Variants in HSPA12A observed in about 807,000 individuals in gnomAD.
The protein encoded by HSPA12A is heat shock protein family A (Hsp70) member 12A.
HSPA12A carries 28 observed loss-of-function variants against 69.2 expected under a neutral mutation model. The ratio of observed to expected loss-of-function variants is 0.40; its 90% CI spans 0.30 to 0.55. HSPA12A has a LOEUF of 0.55. Ranked by LOEUF, HSPA12A falls within the 20% of genes least tolerant of loss-of-function variation. HSPA12A has a pLI of 0.38. For synonymous variants in HSPA12A, 345 were observed against 370.5 expected, an observed-to-expected ratio of 0.93 and a Z score of 0.79; for missense variants, 686 against 900.7, an observed-to-expected ratio of 0.76 and a Z score of 3.05.
intron 2 of HSPA12A, among the ~76,000 whole-genome samples, chr10:116,792,512 C>T (rs1844720687): frequency 1.3e-5 from 2 of 151,258 alleles, no homozygotes; most frequent in Non-Finnish European, 2.9e-5. Flanking sequence ...CGCAGTAGCA[C>T]ATGCCCGTAA....
intron 1 of HSPA12A, among the ~76,000 whole-genome samples, chr10:116,733,097 G>A (rs782005115): frequency 1.3e-5 from 2 of 152,206 alleles, no homozygotes; most frequent in East Asian, 1.9e-4. Flanking sequence ...CCTTCAAATC[G>A]GTCCAGCAGC....
intron 1 of HSPA12A, among the ~76,000 whole-genome samples, chr10:116,846,053 T>C (rs1016896245): frequency 2.0e-5 from 3 of 152,164 alleles, no homozygotes; most frequent in African/African-American, 7.2e-5. Context: ...GAGAAGGAAT[T>C]TATTTTATTC....
At chr10:116,819,222 T>C (rs896622847) in intron 2 of HSPA12A, among the ~76,000 whole-genome samples, 2 of 152,164 alleles carry the variant, frequency 1.3e-5, no homozygotes, top group African/African-American at 4.8e-5. Context: ...ATGCCCATCA[T>C]CCAGTTGAGA....
chr10:116,699,875 C>A (rs148772148), intron 4 of HSPA12A, among the ~76,000 whole-genome samples: 1 of 152,252 alleles, frequency 6.6e-6, no homozygotes, highest in Non-Finnish European at 1.5e-5. Context: ...ACAACCACGC[C>A]GATGGGCACA....
chr10:116,781,176 T>C (rs954165555), intron 2 of HSPA12A, among the ~76,000 whole-genome samples: 12 of 152,152 alleles, frequency 7.9e-5, no homozygotes, highest in Non-Finnish European at 1.2e-4. Context: ...GGCACATGCC[T>C]GTAGTCCCAG....
At chr10:116,713,338 A>G (rs1449434481) in intron 1 of HSPA12A, among the ~76,000 whole-genome samples, 2 of 152,150 alleles carry the variant, frequency 1.3e-5, no homozygotes, top group African/African-American at 4.8e-5. Flanking sequence ...TCCAGAGTAA[A>G]TGGAAATTTT....
chr10:116,706,919 C>T (rs1201564648), intron 2 of HSPA12A, among the ~76,000 whole-genome samples: 1 of 152,180 alleles, frequency 6.6e-6, no homozygotes, highest in Admixed American at 6.5e-5. Flanking sequence ...TCCCATCTCA[C>T]CTTCTTCTGT....
At chr10:116,759,041 C>T (rs2133098494) in intron 2 of HSPA12A, among the ~76,000 whole-genome samples, 1 of 152,280 alleles carries the variant, frequency 6.6e-6, no homozygotes, top group East Asian at 1.9e-4. Flanking sequence ...GAACTCAGGA[C>T]CTGAAGAAAC....
At chr10:116,756,833 A>G (rs1843861407) in intron 2 of HSPA12A, among the ~76,000 whole-genome samples, 1 of 152,212 alleles carries the variant, frequency 6.6e-6, no homozygotes, top group Non-Finnish European at 1.5e-5. Context: ...GATGGAAAAC[A>G]AGAGAATACA....
In HSPA12A at chr10:116,742,564, T is replaced by C. The variant is rs1215754597; in HGVS notation, c.-95A>G. The C allele has an allele frequency of 3.5e-6, 4 of 1,156,234 alleles. No individual in the cohort carries two copies. In the Admixed American group the frequency reaches 1.9e-4, roughly 55 times the overall value. 71.6% of individuals were successfully genotyped at this position (1,156,234 alleles called of 1,614,324 possible). A position where few individuals can be genotyped will look rare whatever the true frequency, so the allele number is the denominator to read the frequency against. On this transcript the variant is annotated 5_prime_UTR_variant, in exon 1 of 12. Transcript: ENST00000369209. ...CGTCCGCGGCGGCGCTCGGGCCGTG[T>C]CTGAGCCGCCGGGCAGCGGGAGCGC...
chr10:116,783,701 G>A (rs1312590030), intron 2 of HSPA12A, among the ~76,000 whole-genome samples: 1 of 152,208 alleles, frequency 6.6e-6, no homozygotes, highest in Non-Finnish European at 1.5e-5. Context: ...AGAATGGTGT[G>A]TTAGTATACC....
At chr10:116,731,267 A>C (rs1554885720) in intron 1 of HSPA12A, among the ~76,000 whole-genome samples, 1 of 152,212 alleles carries the variant, frequency 6.6e-6, no homozygotes, top group Non-Finnish European at 1.5e-5. Flanking sequence ...AGAGGAAGCC[A>C]AAAAGGTACC....
At chr10:116,681,740 C>T (rs782302688) in intron 8 of HSPA12A, 51 bp downstream of exon 8, 9 of 1,522,070 alleles carry the variant, frequency 5.9e-6, no homozygotes, top group African/African-American at 2.7e-5. Flanking sequence ...TGGCTTTTCA[C>T]GAGCAGCACA....
chr10:116,695,830 C>A (rs1554880766), intron 5 of HSPA12A, among the ~76,000 whole-genome samples: 1 of 103,684 alleles, frequency 9.6e-6, no homozygotes, highest in South Asian at 3.4e-4. Flanking sequence ...AAAACAAAAA[C>A]AAAGAAAAAA....
chr10:116,764,810 G>C (rs1252836320), intron 2 of HSPA12A, among the ~76,000 whole-genome samples: 1 of 152,168 alleles, frequency 6.6e-6, no homozygotes, highest in East Asian at 1.9e-4. Context: ...GAGTAGTAGA[G>C]ATACAATATA....
At chr10:116,700,752 A>G (rs1335822287) in intron 4 of HSPA12A, among the ~76,000 whole-genome samples, 191 bp downstream of exon 4, 4 of 152,200 alleles carry the variant, frequency 2.6e-5, no homozygotes, top group Admixed American at 2.0e-4. Flanking sequence ...ATTGGAAAGC[A>G]TCGCATATTC....
intron 1 of HSPA12A, among the ~76,000 whole-genome samples, chr10:116,835,713 C>A (rs887799279): frequency 2.0e-5 from 3 of 152,174 alleles, no homozygotes; most frequent in Admixed American, 2.0e-4. Flanking sequence ...ACAGTAGATG[C>A]ACAATACATG....
chr10:116,687,857 C>T (rs1445654483), intron 6 of HSPA12A, among the ~76,000 whole-genome samples: 3 of 152,238 alleles, frequency 2.0e-5, no homozygotes, highest in African/African-American at 4.8e-5. Flanking sequence ...AAGCACTTAA[C>T]ATATTCCGTC....
Position 116,675,264 on chromosome 10 carries a change from G to A in HSPA12A, c.1545C>T (p.Leu515=). The change falls in exon 12 of 12, where the codon CTC becomes CTT. Residue 515 remains leucine, a synonymous_variant. Transcript: ENST00000369209. This position sits in a 1 kb window ranked among gnomAD's most constrained non-coding sequence, Gnocchi z 5.2. ...IIPQDVGLTI[L]KGAVLFGLDP... The stretch of plus-strand genomic sequence containing the variant: ...CCAGGCCAAAGAGGACGGCACCCTT[G>A]AGGATGGTGAGGCCCACGTCCTGGG... 1 of 1,613,716 alleles carries A rather than the reference G, an allele frequency of 6.2e-7. No homozygotes were observed. The highest frequency in any genetic ancestry group is 1.3e-5 in the African/African-American group (1 of 75,072).
Sources: allele counts gnomAD v4.1 joint callset (sites outside exome capture counted in the v4.1 genomes callset), GRCh38; gene constraint gnomAD v4.1.1; non-coding constraint Gnocchi (gnomAD v3.1); transcripts MANE v1.5; gene names NCBI Gene and HGNC (gene_info 2026-07-23, HGNC 2026-07-21).